The following SLC12A8 variants were observed in gnomAD, a reference collection of about 807,000 sequenced individuals.
SLC12A8 encodes solute carrier family 12 member 8.
A neutral mutation model predicts 75.6 loss-of-function variants in SLC12A8; 69 were observed. The ratio of observed to expected loss-of-function variants is 0.91; its 90% CI spans 0.75 to 1.11. The LOEUF is 1.11. SLC12A8 is among the 50% of genes most tolerant of loss of function. The pLI is 0.00. For missense variants in SLC12A8, 877 were observed against 896.7 expected (o/e 0.98, Z 0.28); for synonymous variants, 365 against 372.8 (o/e 0.98, Z 0.24).
In SLC12A8 at chr3:125,119,092, T is replaced by C. The variant is rs138372908; in HGVS notation, c.825-236A>G. On this transcript the variant is annotated intron_variant, in intron 7 of 13. Transcript: ENST00000469902. ...TTGTTTCTTTTTTTACTTTTAAATA[T>C]ATATAAAAATATGGAACACTTCACG... 340 of 373,638 alleles carry C rather than the reference T, an allele frequency of 9.1e-4. 3 individuals are homozygous for C. In the East Asian group the frequency reaches 0.016, roughly 18 times the overall value. The allele number at this position is 373,638 out of a possible 1,614,324, so 23.1% of individuals were successfully genotyped here.
chr3:125,120,271 G>A (rs1933017364), intron 7 of SLC12A8, among the ~76,000 whole-genome samples: 1 of 150,536 alleles, frequency 6.6e-6, no homozygotes, highest in African/African-American at 2.4e-5. Flanking sequence ...CTGGAAACTC[G>A]GTGGTTAAAA....
intron 3 of SLC12A8, among the ~76,000 whole-genome samples, chr3:125,187,901 G>A (rs1934826641): frequency 6.6e-6 from 1 of 152,240 alleles, no homozygotes; most frequent in Middle Eastern, 3.4e-3. Context: ...CCCTTTCTCT[G>A]GGCTCCTCCA....
At chr3:125,192,225 TC>T (rs1371163817) in intron 2 of SLC12A8, among the ~76,000 whole-genome samples, 1 of 151,970 alleles carries the variant, frequency 6.6e-6, no homozygotes, top group African/African-American at 2.4e-5. Flanking sequence ...CCACAGGAGC[TC>T]TCTGCTCTGC....
intron 12 of SLC12A8, among the ~76,000 whole-genome samples, chr3:125,090,008 T>G (rs933146984): frequency 1.4e-4 from 21 of 152,198 alleles, no homozygotes; most frequent in African/African-American, 4.8e-4. Flanking sequence ...TTATTTATTT[T>G]CTGTATTTTA....
intron 6 of SLC12A8, among the ~76,000 whole-genome samples, chr3:125,123,892 T>A (rs2942811): frequency 0.13 from 19,140 of 152,218 alleles, 1,537 homozygotes; most frequent in Admixed American, 0.17. Context: ...CCTTCAGATC[T>A]TTTATACAGA....
chr3:125,113,310 C>A (rs905915745), intron 8 of SLC12A8, among the ~76,000 whole-genome samples: 5 of 152,172 alleles, frequency 3.3e-5, no homozygotes, highest in African/African-American at 1.2e-4. Flanking sequence ...ATGATCTGTT[C>A]ACTTACCACT....
intron 13 of SLC12A8, 81 bp from the exon 14 acceptor site, chr3:125,084,133 G>T (rs1298851079): frequency 4.4e-6 from 5 of 1,139,408 alleles, no homozygotes; most frequent in Non-Finnish European, 6.3e-6. Context: ...TGGGCATAAA[G>T]AAATTATCTG....
chr3:125,195,878 A>G lies in SLC12A8; in HGVS notation c.52-5357T>C, dbSNP rs145742274. Among the ~76,000 whole-genome samples, 1,162 of 152,212 alleles carry G rather than the reference A, an allele frequency of 7.6e-3. 14 individuals are homozygous for G. Among genetic ancestry groups the G allele is most frequent in the African/African-American group, 0.026 (1,089 of 41,546 alleles). On this transcript the variant is annotated intron_variant, in intron 2 of 13. Coordinates refer to ENST00000469902, the MANE Select transcript of SLC12A8 (RefSeq NM_024628.6). ...AACAAGGGCTTCCTCTGCCCTTCCC[A>G]ACCTCCTTAGCAAAAGGGCAGAGCT...
At chr3:125,153,944 T>A (rs374417797) in intron 5 of SLC12A8, among the ~76,000 whole-genome samples, 21 of 152,286 alleles carry the variant, frequency 1.4e-4, no homozygotes, top group East Asian at 7.7e-4. Flanking sequence ...GACAGGGTTT[T>A]ACCATGTTGG....
chr3:125,114,791 C>T (rs894747905), intron 8 of SLC12A8, among the ~76,000 whole-genome samples: 2 of 152,196 alleles, frequency 1.3e-5, no homozygotes, highest in African/African-American at 4.8e-5. Context: ...TGCTAGTTAG[C>T]AAGCCCCAGG....
intron 3 of SLC12A8, 107 bp downstream of exon 3, chr3:125,190,268 G>T: frequency 8.2e-7 from 1 of 1,212,292 alleles, no homozygotes. Flanking sequence ...TGTTTCAGGA[G>T]CATCTGTGCT....
chr3:125,118,537 G>T (rs1195502571), intron 8 of SLC12A8, among the ~76,000 whole-genome samples: 1 of 152,334 alleles, frequency 6.6e-6, no homozygotes, highest in East Asian at 1.9e-4. Context: ...TCTGAGACAG[G>T]AGAATTGCTT....
chr3:125,186,542 C>T (rs1226172740), intron 4 of SLC12A8, among the ~76,000 whole-genome samples: 2 of 152,190 alleles, frequency 1.3e-5, no homozygotes, highest in Admixed American at 6.5e-5. Flanking sequence ...CTCATAAAAG[C>T]CTTTTTCAAT....
intron 5 of SLC12A8, among the ~76,000 whole-genome samples, chr3:125,176,632 AAAAC>A (rs1364349632): frequency 6.6e-6 from 1 of 152,192 alleles, no homozygotes; most frequent in African/African-American, 2.4e-5. Flanking sequence ...GTACAAGAAA[AAAAC>A]AAACAACCCT....
At chr3:125,209,159 C>T (rs1935288934) in intron 2 of SLC12A8, among the ~76,000 whole-genome samples, 2 of 152,170 alleles carry the variant, frequency 1.3e-5, no homozygotes, top group African/African-American at 4.8e-5. Context: ...AGCATTTTAG[C>T]CACCTAACTT....
chr3:125,120,033 G>T, intron 7 of SLC12A8: 1 of 382,618 alleles, frequency 2.6e-6, no homozygotes, highest in South Asian at 2.0e-5. Flanking sequence ...GCTCACTGGG[G>T]GAAGAAGAAG....
intron 10 of SLC12A8, among the ~76,000 whole-genome samples, chr3:125,101,636 A>T (rs1439398854): frequency 6.6e-6 from 1 of 152,242 alleles, no homozygotes; most frequent in Non-Finnish European, 1.5e-5. Context: ...GTAGTTAAAA[A>T]ATCTCTCTTG....
intron 5 of SLC12A8, among the ~76,000 whole-genome samples, chr3:125,144,336 A>G (rs1933720709): frequency 1.3e-5 from 2 of 152,182 alleles, no homozygotes; most frequent in Non-Finnish European, 2.9e-5. Flanking sequence ...ACTGGGATTC[A>G]AACGTTGTGC....
chr3:125,141,853 C>T (rs1033123640), intron 5 of SLC12A8, among the ~76,000 whole-genome samples: 3 of 151,714 alleles, frequency 2.0e-5, no homozygotes, highest in African/African-American at 7.3e-5. Flanking sequence ...GGAGGAAGGG[C>T]TCCGGACGGA....
Sources: allele counts gnomAD v4.1 joint callset (sites outside exome capture counted in the v4.1 genomes callset), GRCh38; gene constraint gnomAD v4.1.1; transcripts MANE v1.5; gene names NCBI Gene and HGNC (gene_info 2026-07-23, HGNC 2026-07-21).